COL4A5: variants seen among roughly 807,000 people sequenced by gnomAD.
COL4A5 encodes collagen type IV alpha 5 chain, also known as collagen alpha-5(IV) chain.
COL4A5 carries 26 observed loss-of-function variants against 130.2 expected under a neutral mutation model. The ratio of observed to expected loss-of-function variants is 0.20; its 90% CI spans 0.15 to 0.28. COL4A5 has a LOEUF of 0.28. Among genes scored for constraint, COL4A5 ranks in the 10% least tolerant of loss-of-function variants. COL4A5 has a pLI of 1.00. For synonymous variants in COL4A5, 496 were observed against 439.6 expected (o/e 1.13, Z -1.60); for missense variants, 1,131 against 1,344.3 (o/e 0.84, Z 2.48).
chrX:108,470,117 T>C, intron 1 of COL4A5, among the ~76,000 whole-genome samples: 1 of 112,170 alleles, frequency 8.9e-6, no homozygotes. Context: ...AAAGTGCATG[T>C]TTTTGGTATA....
At chrX:108,660,163 C>T (rs780229435) in intron 37 of COL4A5, among the ~76,000 whole-genome samples, 1 of 111,843 alleles carries the variant, frequency 8.9e-6, no homozygotes, top group Non-Finnish European at 1.9e-5. Context: ...ATTTTATTTA[C>T]ATATAATGTT....
At chrX:108,616,263 CAG>C (rs1483203718) in intron 30 of COL4A5, among the ~76,000 whole-genome samples, 1 of 109,389 alleles carries the variant, frequency 9.1e-6, no homozygotes, top group African/African-American at 3.3e-5. Flanking sequence ...TGTTTTGAGA[CAG>C]AGTTTCACTC....
At chrX:108,526,660 C>CTTCT (rs1225104279) in intron 1 of COL4A5, among the ~76,000 whole-genome samples, 1 of 38,759 alleles carries the variant, frequency 2.6e-5, no homozygotes, top group Non-Finnish European at 4.2e-5. Flanking sequence ...TTCTTTCTTT[C>CTTCT]TTCTTTCTTT....
At chrX:108,692,951 T>G (rs1299794996) in intron 50 of COL4A5, 26 bp downstream of exon 50, 1 of 1,204,765 alleles carries the variant, frequency 8.3e-7, no homozygotes, top group South Asian at 1.8e-5. Flanking sequence ...AGCTGTGACT[T>G]TTACCAATCC....
chrX:108,585,710 TTTAA>T (rs1357928640), intron 18 of COL4A5, among the ~76,000 whole-genome samples: 1 of 111,544 alleles, frequency 9.0e-6, no homozygotes, highest in Non-Finnish European at 1.9e-5. Context: ...TTTGTTAATA[TTTAA>T]TTTATTTAAT....
chrX:108,626,621 T>C, intron 36 of COL4A5: 1 of 1,074,143 alleles, frequency 9.3e-7, no homozygotes, highest in Middle Eastern at 3.8e-4. Flanking sequence ...AATGCCTAGA[T>C]TTTTCTGGTC....
intron 1 of COL4A5, among the ~76,000 whole-genome samples, chrX:108,525,953 C>A (rs1012980718): frequency 8.9e-6 from 1 of 111,858 alleles, no homozygotes; most frequent in African/African-American, 3.3e-5. Context: ...TCAAATACTC[C>A]TGGGCTGCTG....
At chrX:108,560,263 C>CT (rs1460306202) in intron 3 of COL4A5, among the ~76,000 whole-genome samples, 5 of 111,703 alleles carry the variant, frequency 4.5e-5, no homozygotes, top group Non-Finnish European at 9.4e-5. Context: ...AGCCAGGAGG[C>CT]TTTTTTCTTA....
chrX:108,592,363 T>C (rs1358369398), intron 21 of COL4A5, among the ~76,000 whole-genome samples: 1 of 110,866 alleles, frequency 9.0e-6, no homozygotes, highest in Non-Finnish European at 1.9e-5. Flanking sequence ...CATCACCAAT[T>C]TTTCCCTCTC....
chrX:108,467,029 C>G (rs1427576929), intron 1 of COL4A5, among the ~76,000 whole-genome samples: 1 of 111,662 alleles, frequency 9.0e-6, no homozygotes, highest in Non-Finnish European at 1.9e-5. Flanking sequence ...TTTAAAATTT[C>G]ATGAAATCCA....
In COL4A5 at chrX:108,439,877, T is replaced by C. The variant is rs2064365671; in HGVS notation, c.-249T>C. The C allele has an allele frequency of 2.5e-6, 1 of 404,969 alleles. No homozygotes were observed. Among genetic ancestry groups the C allele is most frequent in the Non-Finnish European group, 4.3e-6 (1 of 234,030 alleles). 33.4% of individuals were successfully genotyped at this position (404,969 alleles called of 1,213,427 possible). A position where few individuals can be genotyped will look rare whatever the true frequency, so the allele number is the denominator to read the frequency against. ...TGAGTGAAGAAAAAGTTTGCAAGTCTGGACAGAAGGGAAAAGTTCTCCTGA... is the reference window on the plus strand; with the variant it reads ...TGAGTGAAGAAAAAGTTTGCAAGTCCGGACAGAAGGGAAAAGTTCTCCTGA... On this transcript the variant is annotated 5_prime_UTR_variant, in exon 1 of 53. Coordinates refer to ENST00000328300, the MANE Select transcript of COL4A5 (RefSeq NM_033380.3).
In COL4A5 at chrX:108,665,543, G is replaced by T; in HGVS notation, c.3410G>T (p.Gly1137Val). 1 of 1,208,662 alleles carries T rather than the reference G, an allele frequency of 8.3e-7. No homozygotes were observed. The highest frequency in any genetic ancestry group is 1.1e-6 in the Non-Finnish European group (1 of 893,190). Residue 1137 changes from glycine (G) to valine (V), a missense_variant, in exon 38 of 53, where the codon GGC becomes GTC. Transcript: ENST00000328300. ...PGPPGPKGIS[G>V]PPGNPGLPGE... ...CCTCCTGGACCAAAAGGTATTAGTG[G>T]CCCTCCTGGGAACCCCGGCCTTCCA...
intron 19 of COL4A5, 59 bp from the exon 20 acceptor site, chrX:108,590,999 T>G: frequency 6.8e-6 from 7 of 1,033,359 alleles, no homozygotes; most frequent in Non-Finnish European, 9.5e-6. Context: ...AATGTCTCAA[T>G]GAGAACTAAA....
At chrX:108,528,938 C>G (rs1427837989) in intron 1 of COL4A5, among the ~76,000 whole-genome samples, 1 of 111,836 alleles carries the variant, frequency 8.9e-6, no homozygotes, top group African/African-American at 3.2e-5. Context: ...GAGAGATTTA[C>G]ATAATCAGAT....
At chrX:108,481,935 CT>C (rs2064896614) in intron 1 of COL4A5, among the ~76,000 whole-genome samples, 1 of 111,742 alleles carries the variant, frequency 8.9e-6, no homozygotes, top group African/African-American at 3.3e-5. Context: ...CTCCCTAAGC[CT>C]TTAGATCCCT....
intron 7 of COL4A5, 97 bp from the exon 8 acceptor site, chrX:108,571,714 C>A: frequency 1.5e-6 from 1 of 648,636 alleles, no homozygotes; most frequent in Non-Finnish European, 2.5e-6. Context: ...GACGCTACAG[C>A]AGTCTACTCA....
At chrX:108,601,687 C>T (rs186924060) in intron 26 of COL4A5, among the ~76,000 whole-genome samples, 198 bp from the exon 27 acceptor site, 36 of 110,240 alleles carry the variant, frequency 3.3e-4, no homozygotes, top group South Asian at 2.8e-3. Context: ...CCCACCACCA[C>T]GCCCAGTTAA....
intron 32 of COL4A5, among the ~76,000 whole-genome samples, chrX:108,622,377 C>T (rs1569498203): frequency 9.0e-6 from 1 of 111,596 alleles, no homozygotes; most frequent in Non-Finnish European, 1.9e-5. Context: ...GTGATCTGCC[C>T]ACCTCAGCCT....
At chrX:108,540,463 G>A (rs775296562) in intron 2 of COL4A5, among the ~76,000 whole-genome samples, 36 of 109,871 alleles carry the variant, frequency 3.3e-4, no homozygotes, top group African/African-American at 4.3e-4. Flanking sequence ...TTGTTTTTTC[G>A]TTTTTGAGAC....
Sources: allele counts gnomAD v4.1 joint callset (sites outside exome capture counted in the v4.1 genomes callset), GRCh38; gene constraint gnomAD v4.1.1; transcripts MANE v1.5; gene names NCBI Gene and HGNC (gene_info 2026-07-23, HGNC 2026-07-21).